ZFPM1: variants seen among roughly 807,000 people sequenced by gnomAD.
ZFPM1 encodes the protein zinc finger protein, FOG family member 1.
ZFPM1 carries 28 observed loss-of-function variants against 46.3 expected under a neutral mutation model. The ratio of observed to expected loss-of-function variants is 0.60; its 90% CI spans 0.45 to 0.83. ZFPM1 has a LOEUF of 0.83. Ranked by LOEUF, ZFPM1 falls within the 40% of genes least tolerant of loss-of-function variation. The pLI, the probability that ZFPM1 is intolerant of heterozygous loss-of-function variation, is 0.00. For missense variants in ZFPM1, 1,878 were observed against 1,432.4 expected, an observed-to-expected ratio of 1.31 and a Z score of -5.02; for synonymous variants, 957 against 675.9, an observed-to-expected ratio of 1.42 and a Z score of -6.45.
At chr16:88,455,498 T>C (rs915195006) in intron 1 of ZFPM1, among the ~76,000 whole-genome samples, 2 of 152,042 alleles carry the variant, frequency 1.3e-5, no homozygotes, top group Non-Finnish European at 2.9e-5. Context: ...CGAAGGCTGA[T>C]TGTCACCAAG....
At chr16:88,513,129 A>G (rs1911071780) in intron 3 of ZFPM1, 1 of 152,152 alleles carries the variant, frequency 6.6e-6, no homozygotes. Context: ...GGGGCGGCCT[A>G]GTGGTCAGAG....
chr16:88,500,611 G>A (rs1910196422), intron 3 of ZFPM1, among the ~76,000 whole-genome samples: 1 of 152,266 alleles, frequency 6.6e-6, no homozygotes, highest in Non-Finnish European at 1.5e-5. Flanking sequence ...TGCCAGCAGT[G>A]CTGTTGCCGT....
intron 9 of ZFPM1, 77 bp from the exon 10 acceptor site, chr16:88,533,071 C>T: frequency 3.0e-6 from 2 of 666,508 alleles, no homozygotes; most frequent in Non-Finnish European, 4.5e-6. Context: ...CCCTCCCCTT[C>T]CGGAGCTCGC....
At chr16:88,458,603 C>T (rs1284022795) in intron 1 of ZFPM1, among the ~76,000 whole-genome samples, 3 of 152,224 alleles carry the variant, frequency 2.0e-5, no homozygotes, top group Non-Finnish European at 4.4e-5. Context: ...TATCTGCCAT[C>T]GACAGCCTCC....
rs1381033037 is a variant in ZFPM1, at chr16:88,486,061, C to T, written c.145+18C>T. On this transcript the variant is annotated intron_variant, in intron 2 of 9. Transcript: ENST00000319555. Reference sequence around the variant, plus strand: ...CAGCGCAGGTGAGTCAGACTGAGCCCTCTCACCGCGCCTCCAGCCGGGGCC... The same window carrying T: ...CAGCGCAGGTGAGTCAGACTGAGCCTTCTCACCGCGCCTCCAGCCGGGGCC... The T allele has an allele frequency of 3.1e-6, 5 of 1,604,240 alleles. No homozygotes were observed. The highest frequency in any genetic ancestry group is 4.5e-5 in the East Asian group (2 of 44,338).
chr16:88,497,329 C>T lies in ZFPM1; in HGVS notation c.268+8176C>T. Among the ~76,000 whole-genome samples the T allele has an allele frequency of 6.6e-6, 1 of 151,952 alleles. No individual in the cohort carries two copies. The highest frequency in any genetic ancestry group is 1.9e-4 in the East Asian group (1 of 5,160). ...ACACAGTAGAGTGGGGTCGGGTGTG[C>T]ACAAGGAGCTGGCTCAGGGCCTGAG... On this transcript the variant is annotated intron_variant, in intron 3 of 9. Coordinates refer to ENST00000319555, the MANE Select transcript of ZFPM1 (RefSeq NM_153813.3). This position sits in a 1 kb window ranked among gnomAD's most constrained non-coding sequence, Gnocchi z 5.4.
intron 7 of ZFPM1, 70 bp downstream of exon 7, chr16:88,532,305 C>T: frequency 7.1e-6 from 10 of 1,409,540 alleles, no homozygotes; most frequent in South Asian, 4.1e-5. Context: ...GCAGGCCGCC[C>T]GGGAAAACCC....
chr16:88,484,562 C>T lies in ZFPM1; in HGVS notation c.41-1377C>T, dbSNP rs190651424. Among the ~76,000 whole-genome samples the T allele has an allele frequency of 2.2e-4, 34 of 152,342 alleles. No individual in the cohort carries two copies. In the East Asian group the frequency reaches 6.2e-3, roughly 28 times the overall value. On this transcript the variant is annotated intron_variant, in intron 1 of 9. Transcript: ENST00000319555. ...GGGCTCAGGAGGGCCACGGCCCCTCCCACTCCTGAGTGTGTCGGGAGGCTC... is the reference window on the plus strand; with the variant it reads ...GGGCTCAGGAGGGCCACGGCCCCTCTCACTCCTGAGTGTGTCGGGAGGCTC...
At chr16:88,484,970 C>A (rs1240897369) in intron 1 of ZFPM1, among the ~76,000 whole-genome samples, 4 of 152,206 alleles carry the variant, frequency 2.6e-5, no homozygotes, top group African/African-American at 7.2e-5. Flanking sequence ...CTGAGGCACT[C>A]CACCCCCAGG....
chr16:88,512,931 C>T (rs560894642), intron 3 of ZFPM1: 2 of 152,374 alleles, frequency 1.3e-5, no homozygotes, highest in South Asian at 4.1e-4. Context: ...CCACTGCTAG[C>T]CTGCTAGCCG....
chr16:88,526,939 G>A (rs370973559), intron 5 of ZFPM1, 23 bp downstream of exon 5: 42 of 1,545,174 alleles, frequency 2.7e-5, no homozygotes, highest in Middle Eastern at 1.7e-4. Context: ...CGGCACCTCC[G>A]TCCCAAGCCT....
intron 1 of ZFPM1, among the ~76,000 whole-genome samples, chr16:88,454,049 C>T (rs754447912): frequency 4.6e-5 from 7 of 152,260 alleles, no homozygotes; most frequent in Non-Finnish European, 7.3e-5. Context: ...ATATTACATT[C>T]TGCAAGTCCC....
Position 88,489,166 on chromosome 16 carries a change from G to C in ZFPM1, c.268+13G>C. The C allele has an allele frequency of 6.3e-7, 1 of 1,587,350 alleles. No individual in the cohort carries two copies. Among genetic ancestry groups the C allele is most frequent in the Non-Finnish European group, 8.6e-7 (1 of 1,167,588 alleles). ...TGGAGCGGGCCAGGTAACCACGCGG[G>C]TGGTGGGGGCAGCAGCATCGCCTCC... On this transcript the variant is annotated intron_variant, in intron 3 of 9. Coordinates refer to ENST00000319555, the MANE Select transcript of ZFPM1 (RefSeq NM_153813.3).
At position 88,473,156 on chromosome 16, in the gene ZFPM1, G is replaced by A. The variant is rs150165700; in HGVS notation, c.41-12783G>A. Among the ~76,000 whole-genome samples the A allele has an allele frequency of 1.4e-4, 22 of 152,402 alleles. 1 individual carries two copies. The South Asian group carries it at 3.1e-3, about 21-fold the overall frequency. On this transcript the variant is annotated intron_variant, in intron 1 of 9. Transcript: ENST00000319555. Reference sequence around the variant, plus strand: ...AAAAGGCTGAACTGAGCCAGAGGGCGTGACTTCTTCCTTTCTGAAAGGCAT... The same window carrying A: ...AAAAGGCTGAACTGAGCCAGAGGGCATGACTTCTTCCTTTCTGAAAGGCAT...
intron 1 of ZFPM1, among the ~76,000 whole-genome samples, chr16:88,478,254 T>C (rs995425911): frequency 6.6e-6 from 1 of 152,148 alleles, no homozygotes; most frequent in African/African-American, 2.4e-5. Context: ...GCTCCTGCGC[T>C]GGTTAGGGCT....
At chr16:88,500,926 G>T (rs941350298) in intron 3 of ZFPM1, among the ~76,000 whole-genome samples, 2 of 152,242 alleles carry the variant, frequency 1.3e-5, no homozygotes, top group Non-Finnish European at 2.9e-5. Flanking sequence ...CAGGTACAGC[G>T]GGCCCTCCCT....
intron 3 of ZFPM1, among the ~76,000 whole-genome samples, chr16:88,495,914 G>A (rs1481288537): frequency 6.6e-6 from 1 of 152,122 alleles, no homozygotes; most frequent in Admixed American, 6.5e-5. Context: ...GGAGCACAGG[G>A]GTCCGCCTGT....
In ZFPM1 at chr16:88,536,054, C is replaced by T. The variant is rs1271258058; in HGVS notation, c.*1075C>T. 6.6e-6 allele frequency: 1 copy of T among 152,198 alleles called. No individual in the cohort carries two copies. Among genetic ancestry groups the T allele is most frequent in the African/African-American group, 2.4e-5 (1 of 41,418 alleles). The allele number at this position is 152,198 out of a possible 1,614,324, so 9.4% of individuals were successfully genotyped here. A position where few individuals can be genotyped will look rare whatever the true frequency, so the allele number is the denominator to read the frequency against. ...CATTGCAGCCTTGACCTCGTGAGCT[C>T]AAGTGATCTTCCCACCTCAGTTTCC... On this transcript the variant is annotated 3_prime_UTR_variant, in exon 10 of 10. Transcript: ENST00000319555.
rs1312010883 is a variant in ZFPM1 at position 88,517,218 on chromosome 16, ATGGATGGATGGG to A, written c.402+2702_402+2713del. Among the ~76,000 whole-genome samples the A allele has an allele frequency of 9.4e-3, 920 of 98,346 alleles. 19 individuals carry two copies. The highest frequency in any genetic ancestry group is 0.031 in the African/African-American group (859 of 27,846). The allele number at this position is 98,346 out of a possible 152,430, so 64.5% of individuals were successfully genotyped here. On this transcript the variant is annotated intron_variant, in intron 4 of 9. Coordinates refer to ENST00000319555, the MANE Select transcript of ZFPM1 (RefSeq NM_153813.3). ...GATGGATGGATGGATGGATGGATGG[ATGGATGGATGGG>A]TGGGTGGGTGGGTGGATGGATGGAT...
Sources: allele counts gnomAD v4.1 joint callset (sites outside exome capture counted in the v4.1 genomes callset), GRCh38; gene constraint gnomAD v4.1.1; non-coding constraint Gnocchi (gnomAD v3.1); transcripts MANE v1.5; gene names NCBI Gene and HGNC (gene_info 2026-07-23, HGNC 2026-07-21).